UTS2: variants seen among roughly 807,000 people sequenced by gnomAD.
UTS2 encodes urotensin-2.
In UTS2, 10 loss-of-function variants were observed where a neutral mutation model predicts 12.6. That is an observed-to-expected ratio of 0.80 (90% CI 0.49 to 1.35). The LOEUF (loss-of-function observed/expected upper bound fraction) is 1.35. Among genes scored for constraint, UTS2 ranks in the 40% most tolerant of loss-of-function variants. The pLI is 0.00. For synonymous variants in UTS2, 52 were observed against 50.0 expected, an observed-to-expected ratio of 1.04 and a Z score of -0.17; for missense variants, 142 against 143.2, an observed-to-expected ratio of 0.99 and a Z score of 0.04.
At chr1:7,904,733 T>C in the UTS2 span, among the ~76,000 whole-genome samples, 2 of 151,788 alleles carry the variant, frequency 1.3e-5, no homozygotes. Context: ...GGTGAAACCC[T>C]GTCTCTACTA....
chr1:7,887,894 G>A, the UTS2 span, among the ~76,000 whole-genome samples: 1 of 152,120 alleles, frequency 6.6e-6, no homozygotes, highest in African/African-American at 2.4e-5. Context: ...TTAGACTGAT[G>A]TTTAATAGGA....
the UTS2 span, among the ~76,000 whole-genome samples, chr1:7,875,521 A>C: frequency 2.6e-5 from 4 of 151,712 alleles, no homozygotes; most frequent in African/African-American, 9.7e-5. Flanking sequence ...CACCATCTCC[A>C]CATGTCATCC....
upstream of UTS2, chr1:7,853,089 A>T (rs2097415833): frequency 1.3e-6 from 2 of 1,524,976 alleles, no homozygotes; most frequent in Non-Finnish European, 1.7e-6. Context: ...CTCACTGATT[A>T]TATATATCAT....
At chr1:7,865,868 C>A in the UTS2 span, among the ~76,000 whole-genome samples, 1 of 152,128 alleles carries the variant, frequency 6.6e-6, no homozygotes, top group Non-Finnish European at 1.5e-5. Context: ...CCCAGGAGGT[C>A]AGGGCTGCCA....
chr1:7,906,005 A>T, the UTS2 span, among the ~76,000 whole-genome samples: 2 of 152,100 alleles, frequency 1.3e-5, no homozygotes, highest in African/African-American at 2.4e-5. Context: ...GGGGTCGGGA[A>T]CACACGGAAT....
the UTS2 span, among the ~76,000 whole-genome samples, chr1:7,868,384 T>G: frequency 6.6e-6 from 1 of 152,180 alleles, no homozygotes; most frequent in African/African-American, 2.4e-5. Context: ...CATTTTTGCT[T>G]CAGACTCACA....
At chr1:7,886,012 C>G in the UTS2 span, among the ~76,000 whole-genome samples, 5 of 152,060 alleles carry the variant, frequency 3.3e-5, no homozygotes, top group Admixed American at 3.3e-4. Flanking sequence ...TCTTGCCTCT[C>G]CGACGCATCG....
chr1:7,910,760 T>G, the UTS2 span, among the ~76,000 whole-genome samples: 1 of 152,160 alleles, frequency 6.6e-6, no homozygotes, highest in African/African-American at 2.4e-5. Flanking sequence ...AGGGACTTGC[T>G]CTGTCTCCCA....
chr1:7,890,793 G>A, the UTS2 span, among the ~76,000 whole-genome samples: 1 of 147,644 alleles, frequency 6.8e-6, no homozygotes, highest in African/African-American at 2.5e-5. Context: ...CTACTCGAGA[G>A]GCTGAGGTGG....
chr1:7,877,596 T>C, the UTS2 span, among the ~76,000 whole-genome samples: 12,908 of 152,210 alleles, frequency 0.085, 845 homozygotes, highest in African/African-American at 0.17. Context: ...TTGAAAAGAC[T>C]GGGCGCAGTG....
At chr1:7,880,226 C>T in the UTS2 span, among the ~76,000 whole-genome samples, 2 of 151,976 alleles carry the variant, frequency 1.3e-5, no homozygotes, top group African/African-American at 4.8e-5. Context: ...CCACTGCACT[C>T]TAGCCCGGGT....
At chr1:7,896,714 A>T in the UTS2 span, among the ~76,000 whole-genome samples, 96,756 of 150,270 alleles carry the variant, frequency 0.64, 31,527 homozygotes, top group African/African-American at 0.74. Flanking sequence ...TTTTTTTTTT[A>T]AGACAGAGTC....
the UTS2 span, among the ~76,000 whole-genome samples, chr1:7,902,792 T>A: frequency 6.6e-6 from 1 of 152,238 alleles, no homozygotes. Context: ...ACTGGCGGCG[T>A]GGTTTCAGGT....
At chr1:7,870,674 C>T in the UTS2 span, among the ~76,000 whole-genome samples, 2 of 152,224 alleles carry the variant, frequency 1.3e-5, no homozygotes, top group Non-Finnish European at 2.9e-5. Context: ...AGGCCTTTTG[C>T]TTACCAAAGT....
chr1:7,874,448 C>T, the UTS2 span, among the ~76,000 whole-genome samples: 6 of 152,340 alleles, frequency 3.9e-5, no homozygotes, highest in African/African-American at 1.4e-4. Flanking sequence ...TGGAGTCCTG[C>T]TGACATTCCG....
At chr1:7,907,203 C>A in the UTS2 span, among the ~76,000 whole-genome samples, 26 of 152,112 alleles carry the variant, frequency 1.7e-4, no homozygotes, top group Non-Finnish European at 2.1e-4. Flanking sequence ...CTGCAATGAG[C>A]TGAGATCGTG....
At chr1:7,859,156 T>TGAACTTCC in the UTS2 span, among the ~76,000 whole-genome samples, 1 of 152,224 alleles carries the variant, frequency 6.6e-6, no homozygotes, top group Non-Finnish European at 1.5e-5. Context: ...ATTGAACTTC[T>TGAACTTCC]GAACTTCCTG....
chr1:7,849,769 A>G, intron 2 of UTS2, 86 bp from the exon 3 acceptor site: 1 of 1,221,688 alleles, frequency 8.2e-7, no homozygotes, highest in Non-Finnish European at 1.1e-6. Context: ...ATATTACTAA[A>G]TTATGTCTAG....
chr1:7,902,553 C>T, the UTS2 span, among the ~76,000 whole-genome samples: 2 of 152,064 alleles, frequency 1.3e-5, no homozygotes, highest in East Asian at 1.9e-4. Flanking sequence ...GGGGGAAGGG[C>T]GTCCCTACTA....
Sources: gnomAD v4.1 joint callset for allele counts (sites outside exome capture counted in the v4.1 genomes callset) on GRCh38, gnomAD v4.1.1 for gene constraint, MANE v1.5 for transcripts, NCBI Gene and HGNC (gene_info 2026-07-23, HGNC 2026-07-21) for gene names.